Variants in ERCC1 observed in about 807,000 individuals in gnomAD.
The protein encoded by ERCC1 is ERCC excision repair 1, endonuclease non-catalytic subunit.
Under a neutral mutation model 37.6 loss-of-function variants are expected in ERCC1, and 36 were observed. That is an observed-to-expected ratio of 0.96 (90% CI 0.73 to 1.26). ERCC1 has a LOEUF of 1.26. ERCC1 is among the 50% of genes most tolerant of loss of function. The pLI is 0.00. For synonymous variants in ERCC1, 156 were observed against 162.1 expected, an observed-to-expected ratio of 0.96 and a Z score of 0.28; for missense variants, 349 against 376.5, an observed-to-expected ratio of 0.93 and a Z score of 0.60.
At chr19:45,443,551 C>G (rs1461621930) in intron 1 of ERCC1, among the ~76,000 whole-genome samples, 1 of 152,186 alleles carries the variant, frequency 6.6e-6, no homozygotes, top group Non-Finnish European at 1.5e-5. Context: ...AGGATCCCGA[C>G]CCAGGCGTCT....
Position 45,409,246 on chromosome 19 carries a change from GAAGAAA to G in ERCC1, c.*423_*428del, listed in dbSNP as rs1178302075. ...CCACATCCACCAAGAAGAAGAAGAA[GAAGAAA>G]GAGAGAGGTCACACAGTGACTGAGC... On this transcript the variant is annotated 3_prime_UTR_variant, in exon 10 of 10. Transcript: ENST00000300853. 1 of 1,613,616 alleles carries G rather than the reference GAAGAAA, an allele frequency of 6.2e-7. No homozygotes were observed. Among genetic ancestry groups the G allele is most frequent in the African/African-American group, 1.3e-5 (1 of 74,890 alleles).
At chr19:45,432,345 C>T (rs539962798) in intron 1 of ERCC1, among the ~76,000 whole-genome samples, 1 of 151,158 alleles carries the variant, frequency 6.6e-6, no homozygotes, top group African/African-American at 2.4e-5. Context: ...GGTCTTGTTG[C>T]GCTGCCCAGG....
At chr19:45,414,137 C>A (rs1477876770) in intron 7 of ERCC1, 103 bp from the exon 8 acceptor site, 3 of 895,118 alleles carry the variant, frequency 3.4e-6, no homozygotes, top group Non-Finnish European at 5.5e-6. Context: ...GACTGCCTGG[C>A]GTGCAGGAAG....
upstream of ERCC1, among the ~76,000 whole-genome samples, chr19:45,425,517 T>C (rs1007610820): frequency 1.3e-5 from 2 of 151,810 alleles, no homozygotes; most frequent in African/African-American, 4.8e-5. Flanking sequence ...GCCTCCCAAG[T>C]AGCTGGGATT....
intron 1 of ERCC1, among the ~76,000 whole-genome samples, chr19:45,442,336 GAAAA>G (rs960955337): frequency 8.9e-5 from 9 of 100,620 alleles, no homozygotes; most frequent in African/African-American, 3.1e-4. Flanking sequence ...AAAAGAAAAA[GAAAA>G]AAAGTTTTGG....
intron 1 of ERCC1, among the ~76,000 whole-genome samples, chr19:45,436,873 C>G (rs1023885906): frequency 6.6e-6 from 1 of 151,998 alleles, no homozygotes; most frequent in Non-Finnish European, 1.5e-5. Flanking sequence ...GGGAGGACCC[C>G]GTGAGACCAA....
intron 1 of ERCC1, among the ~76,000 whole-genome samples, chr19:45,439,943 C>T (rs1012824165): frequency 2.0e-5 from 3 of 152,178 alleles, no homozygotes; most frequent in African/African-American, 7.2e-5. Context: ...AAATAGTTGC[C>T]GCGCTCCGAG....
rs1285715245 is a variant in ERCC1, at chr19:45,419,182, G to A, written c.441C>T (p.Asn147=). 21 of 1,594,946 alleles carry A rather than the reference G, an allele frequency of 1.3e-5. No individual in the cohort carries two copies. Among genetic ancestry groups the A allele is most frequent in the East Asian group, 2.3e-5 (1 of 44,384 alleles). Residue 147 remains asparagine (N), a synonymous_variant, in exon 5 of 10, where the codon AAC becomes AAT. Transcript: ENST00000300853. The part of the protein sequence containing the change: ...CALFLSLRYH[N]LHPDYIHGRL... ...GCCCATGGATGTAGTCTGGGTGCAG[G>A]TTGTGGTAGCGGAGGCTGGTGGGGG...
At position 45,408,965 on chromosome 19, in the gene ERCC1, G is replaced by T. The variant is rs1489714884; in HGVS notation, c.*710C>A. On this transcript the variant is annotated 3_prime_UTR_variant, in exon 10 of 10. Transcript: ENST00000300853. Reference sequence around the variant, plus strand: ...GCCCCCTACGAAGAAGAGGAAAAAAGAAAAGGGACAGATGGCAATGATGGA... The same window carrying T: ...GCCCCCTACGAAGAAGAGGAAAAAATAAAAGGGACAGATGGCAATGATGGA... 6.2e-7 allele frequency: 1 copy of T among 1,614,064 alleles called. No individual in the cohort carries two copies. Among genetic ancestry groups the T allele is most frequent in the Non-Finnish European group, 8.5e-7 (1 of 1,180,010 alleles).
At chr19:45,427,439 T>C (rs1387757778), upstream of ERCC1, among the ~76,000 whole-genome samples, 1 of 149,196 alleles carries the variant, frequency 6.7e-6, no homozygotes, top group Non-Finnish European at 1.5e-5. Flanking sequence ...TGAAACCTTG[T>C]CTCTACTAAA....
chr19:45,427,846 G>C (rs1020780924), upstream of ERCC1, among the ~76,000 whole-genome samples: 2 of 152,152 alleles, frequency 1.3e-5, no homozygotes, highest in Admixed American at 1.3e-4. Context: ...CCAGAACCCA[G>C]CGGGGGCAGG....
At chr19:45,414,678 G>A in intron 7 of ERCC1, 183 bp downstream of exon 7, 1 of 568,894 alleles carries the variant, frequency 1.8e-6, no homozygotes, top group East Asian at 3.1e-5. Context: ...AGGATTTTGA[G>A]CTAGGGAGGG....
upstream of ERCC1, among the ~76,000 whole-genome samples, chr19:45,428,181 T>G (rs1341456751): frequency 7.3e-6 from 1 of 137,556 alleles, no homozygotes; most frequent in Non-Finnish European, 1.5e-5. Flanking sequence ...CCTCCCGGGC[T>G]CAGATGATCC....
chr19:45,410,914 C>A (rs2123450843), intron 9 of ERCC1: 1 of 152,194 alleles, frequency 6.6e-6, no homozygotes, highest in East Asian at 1.9e-4. Flanking sequence ...ACCTCCGCCT[C>A]CCGGATTCAA....
At chr19:45,426,316 C>G (rs1204737133), upstream of ERCC1, among the ~76,000 whole-genome samples, 1 of 144,496 alleles carries the variant, frequency 6.9e-6, no homozygotes, top group African/African-American at 2.6e-5. Context: ...GAGGCGGAGG[C>G]TGCAGTGAGC....
chr19:45,443,549 G>C (rs1010057555), intron 1 of ERCC1, among the ~76,000 whole-genome samples: 1 of 152,148 alleles, frequency 6.6e-6, no homozygotes, highest in African/African-American at 2.4e-5. Flanking sequence ...CCAGGATCCC[G>C]ACCCAGGCGT....
At chr19:45,426,964 A>C, upstream of ERCC1, among the ~76,000 whole-genome samples, 1 of 150,414 alleles carries the variant, frequency 6.6e-6, no homozygotes. Flanking sequence ...CCATCTAAAA[A>C]AAAAAAAAAA....
In ERCC1 at chr19:45,408,240, A is replaced by G; in HGVS notation, c.*1435T>C. The G allele has an allele frequency of 6.2e-7, 1 of 1,614,074 alleles. No homozygotes were observed. The highest frequency in any genetic ancestry group is 8.5e-7 in the Non-Finnish European group (1 of 1,179,998). On this transcript the variant is annotated 3_prime_UTR_variant, in exon 10 of 10. Transcript: ENST00000300853. ...CTCAGCAGCTGTCCCCAAGCTGGAG[A>G]AGCGACCCTGCTGGCCCCCTCAACG...
upstream of ERCC1, among the ~76,000 whole-genome samples, chr19:45,425,659 G>A (rs1974670688): frequency 6.6e-6 from 1 of 151,972 alleles, no homozygotes; most frequent in African/African-American, 2.4e-5. Context: ...CATGAGCCAC[G>A]GTGCCTGGCC....
Sources: allele counts gnomAD v4.1 joint callset (sites outside exome capture counted in the v4.1 genomes callset), GRCh38; gene constraint gnomAD v4.1.1; transcripts MANE v1.5; gene names NCBI Gene and HGNC (gene_info 2026-07-23, HGNC 2026-07-21).